The following ZNRF1 variants were observed in gnomAD, a reference collection of about 807,000 sequenced individuals.
The protein encoded by ZNRF1 is E3 ubiquitin-protein ligase ZNRF1.
Under a neutral mutation model 18.4 loss-of-function variants are expected in ZNRF1, and 3 were observed. The ratio of observed to expected loss-of-function variants is 0.16; its 90% CI spans 0.07 to 0.42. The LOEUF (loss-of-function observed/expected upper bound fraction) is 0.42, where lower values mean the gene tolerates loss of function less well. Ranked by LOEUF, ZNRF1 falls within the 10% of genes least tolerant of loss-of-function variation. The pLI is 0.99. For missense variants in ZNRF1, 310 were observed against 329.8 expected (o/e 0.94, Z 0.47); for synonymous variants, 157 against 144.2 (o/e 1.09, Z -0.64).
intron 1 of ZNRF1, among the ~76,000 whole-genome samples, chr16:75,081,837 C>T (rs758415656): frequency 6.6e-6 from 1 of 152,220 alleles, no homozygotes; most frequent in African/African-American, 2.4e-5. Context: ...GATGGTCCAT[C>T]CTTTAAATAA....
intron 2 of ZNRF1, chr16:75,095,068 A>G (rs2036181810): frequency 6.6e-6 from 1 of 152,476 alleles, no homozygotes. Context: ...GTCTCAGAGC[A>G]TTTCCTGGGA....
intron 1 of ZNRF1, among the ~76,000 whole-genome samples, chr16:75,060,077 C>T (rs1205999210): frequency 1.3e-5 from 2 of 151,450 alleles, no homozygotes; most frequent in Non-Finnish European, 2.9e-5. Flanking sequence ...TTTTTTGAGG[C>T]GAGTCTCACT....
intron 4 of ZNRF1, chr16:75,106,838 C>G: frequency 2.9e-6 from 1 of 339,468 alleles, no homozygotes. Context: ...AATCTACATT[C>G]CTAAAGAAAG....
chr16:75,097,580 C>T (rs2036213872), intron 2 of ZNRF1, among the ~76,000 whole-genome samples: 2 of 152,184 alleles, frequency 1.3e-5, no homozygotes, highest in Non-Finnish European at 1.5e-5. Context: ...GTAATCCCAA[C>T]ACTTTGGGGA....
intron 1 of ZNRF1, among the ~76,000 whole-genome samples, chr16:75,076,093 C>T (rs73614085): frequency 0.023 from 3,563 of 152,260 alleles, 162 homozygotes; most frequent in African/African-American, 0.082. Flanking sequence ...GATATAGAGC[C>T]CTGGAGGGCC....
In ZNRF1 at chr16:75,050,885, A is replaced by C. The variant is rs946309979; in HGVS notation, c.425-42687A>C. Among the ~76,000 whole-genome samples, 12 of 99,546 alleles carry C rather than the reference A, an allele frequency of 1.2e-4. 1 individual carries two copies. Among genetic ancestry groups the C allele is most frequent in the Non-Finnish European group, 1.6e-4 (8 of 50,504 alleles). 65.3% of individuals were successfully genotyped at this position (99,546 alleles called of 152,430 possible). On this transcript the variant is annotated intron_variant, in intron 1 of 4. Transcript: ENST00000335325. ...GACTCCGTCTCAAAAAAAAAAAAAA[A>C]AAACAAAAAAAAACAAAAAACTTGT...
chr16:75,021,314 C>T (rs561697651), intron 1 of ZNRF1, among the ~76,000 whole-genome samples: 4 of 152,226 alleles, frequency 2.6e-5, no homozygotes, highest in Non-Finnish European at 5.9e-5. Context: ...GCTGGGATTA[C>T]AGGCGTGAGC....
At chr16:75,106,443 G>A (rs1477753395) in intron 3 of ZNRF1, 39 bp from the exon 4 acceptor site, 1 of 1,612,500 alleles carries the variant, frequency 6.2e-7, no homozygotes, top group East Asian at 2.2e-5. Flanking sequence ...AGCCTGGGCA[G>A]CAGGTAACGT....
At chr16:75,041,656 G>A (rs1210706839) in intron 1 of ZNRF1, among the ~76,000 whole-genome samples, 2 of 151,992 alleles carry the variant, frequency 1.3e-5, no homozygotes, top group South Asian at 2.1e-4. Context: ...TTTGTATTTC[G>A]TTAGCTAGTG....
At chr16:75,050,193 G>T (rs1260615299) in intron 1 of ZNRF1, among the ~76,000 whole-genome samples, 1 of 152,084 alleles carries the variant, frequency 6.6e-6, no homozygotes, top group East Asian at 1.9e-4. Flanking sequence ...CCATGGTATG[G>T]ATGGACCACG....
intron 2 of ZNRF1, among the ~76,000 whole-genome samples, chr16:75,096,875 G>A (rs1010693813): frequency 7.2e-5 from 11 of 152,256 alleles, no homozygotes; most frequent in Non-Finnish European, 1.2e-4. Flanking sequence ...TAGGAAAGGC[G>A]AGACTAGTTT....
chr16:75,073,227 T>C (rs144663440), intron 1 of ZNRF1, among the ~76,000 whole-genome samples: 65 of 152,214 alleles, frequency 4.3e-4, no homozygotes, highest in Admixed American at 3.7e-3. Context: ...CATAGATTTA[T>C]ATACATAAAT....
chr16:75,097,561 C>T (rs1347588878), intron 2 of ZNRF1, among the ~76,000 whole-genome samples: 2 of 152,202 alleles, frequency 1.3e-5, no homozygotes, highest in Non-Finnish European at 2.9e-5. Flanking sequence ...GATGCAGTGG[C>T]TCACGTCTGT....
intron 3 of ZNRF1, chr16:75,105,557 CCTGACT>C (rs2036305765): frequency 6.6e-6 from 1 of 152,608 alleles, no homozygotes. Context: ...CCTTTCAAAG[CCTGACT>C]CTCAGGGCCA....
intron 2 of ZNRF1, among the ~76,000 whole-genome samples, chr16:75,097,177 C>G (rs1206387699): frequency 6.6e-6 from 1 of 152,130 alleles, no homozygotes; most frequent in African/African-American, 2.4e-5. Flanking sequence ...GGACCTTGCC[C>G]TAAAGAATAC....
At chr16:75,040,861 G>A (rs569376941) in intron 1 of ZNRF1, among the ~76,000 whole-genome samples, 1 of 151,984 alleles carries the variant, frequency 6.6e-6, no homozygotes, top group Non-Finnish European at 1.5e-5. Context: ...ACCCACCTTG[G>A]CCTTCCAAAG....
chr16:75,104,939 C>T (rs377439407), intron 3 of ZNRF1, 50 bp downstream of exon 3: 60 of 1,432,152 alleles, frequency 4.2e-5, no homozygotes, highest in Admixed American at 7.9e-5. Flanking sequence ...CCCAGAGGGG[C>T]GGACCCCCAT....
intron 1 of ZNRF1, among the ~76,000 whole-genome samples, chr16:75,013,428 C>T (rs2035025762): frequency 6.6e-6 from 1 of 151,876 alleles, no homozygotes; most frequent in South Asian, 2.1e-4. Flanking sequence ...CTCACTGCAA[C>T]CTCTGCCTCC....
At chr16:75,006,525 TC>T in intron 1 of ZNRF1, among the ~76,000 whole-genome samples, 1 of 152,166 alleles carries the variant, frequency 6.6e-6, no homozygotes, top group East Asian at 1.9e-4. Context: ...AACGTCCACT[TC>T]CCGGGTTCAA....
Sources: allele counts gnomAD v4.1 joint callset (sites outside exome capture counted in the v4.1 genomes callset), GRCh38; gene constraint gnomAD v4.1.1; transcripts MANE v1.5; gene names NCBI Gene and HGNC (gene_info 2026-07-23, HGNC 2026-07-21).